Variants in CCSER1 observed in about 807,000 individuals in gnomAD.
CCSER1 encodes coiled-coil serine rich protein 1, also known as serine-rich coiled-coil domain-containing protein 1.
Under a neutral mutation model 82.0 loss-of-function variants are expected in CCSER1, and 41 were observed. That is an observed-to-expected ratio of 0.50 (90% CI 0.39 to 0.65). The LOEUF is 0.65. Ranked by LOEUF, CCSER1 falls within the 30% of genes least tolerant of loss-of-function variation. The probability of loss-of-function intolerance (pLI) is 0.00; values close to 1 mark genes in which losing one functional copy is unlikely to be tolerated. For missense variants in CCSER1, 1,119 were observed against 1,064.2 expected (o/e 1.05, Z -0.72); for synonymous variants, 414 against 383.9 (o/e 1.08, Z -0.92).
chr4:91,511,832 T>G (rs1759841627), intron 10 of CCSER1, among the ~76,000 whole-genome samples: 1 of 152,172 alleles, frequency 6.6e-6, no homozygotes, highest in Non-Finnish European at 1.5e-5. Flanking sequence ...ATTATTTTAT[T>G]ATATATTGCA....
chr4:90,896,840 T>G (rs2150132900), intron 8 of CCSER1, among the ~76,000 whole-genome samples: 1 of 152,012 alleles, frequency 6.6e-6, no homozygotes, highest in South Asian at 2.1e-4. Context: ...AAGGAATAAC[T>G]GAAAGTAAAA....
At chr4:91,570,472 C>G (rs1204441898) in intron 10 of CCSER1, among the ~76,000 whole-genome samples, 2 of 152,222 alleles carry the variant, frequency 1.3e-5, no homozygotes, top group Non-Finnish European at 2.9e-5. Flanking sequence ...TTTTATACAT[C>G]TTTTGAAATC....
At chr4:91,185,196 T>C (rs562556606) in intron 10 of CCSER1, among the ~76,000 whole-genome samples, 1 of 152,324 alleles carries the variant, frequency 6.6e-6, no homozygotes, top group South Asian at 2.1e-4. Flanking sequence ...TTTGCCTTGT[T>C]TATTTGTGCT....
chr4:90,930,377 G>A (rs984572673), intron 9 of CCSER1, among the ~76,000 whole-genome samples: 3 of 151,880 alleles, frequency 2.0e-5, no homozygotes, highest in South Asian at 2.1e-4. Context: ...TGAGGCAGGC[G>A]GATCACGAGG....
At chr4:90,626,842 C>T (rs1471578119) in intron 5 of CCSER1, among the ~76,000 whole-genome samples, 2 of 152,090 alleles carry the variant, frequency 1.3e-5, no homozygotes, top group African/African-American at 2.4e-5. Context: ...TCAATAAGAA[C>T]TATATAAATA....
chr4:91,376,038 A>C (rs1750385736), intron 10 of CCSER1, among the ~76,000 whole-genome samples: 1 of 152,168 alleles, frequency 6.6e-6, no homozygotes, highest in Non-Finnish European at 1.5e-5. Context: ...AACTTTCTAG[A>C]TAAACTTAAC....
Position 91,413,505 on chromosome 4 carries a change from CA to C in CCSER1, c.2218-185058del, listed in dbSNP as rs370234675. On this transcript the variant is annotated intron_variant, in intron 10 of 10. Transcript: ENST00000509176. ...CCAATCAGAACAAGAACAACAACAA[CA>C]AAAAAAAACAAAAAGAATGAAAAAA... Among the ~76,000 whole-genome samples the C allele has an allele frequency of 6.1e-3, 877 of 144,882 alleles. 8 individuals carry two copies. Among genetic ancestry groups the C allele is most frequent in the African/African-American group, 0.02 (803 of 39,356 alleles).
At chr4:91,412,320 T>C (rs1281137004) in intron 10 of CCSER1, among the ~76,000 whole-genome samples, 2 of 151,924 alleles carry the variant, frequency 1.3e-5, no homozygotes, top group African/African-American at 4.8e-5. Context: ...CAGATCCAGC[T>C]GTGAGCCATG....
intron 10 of CCSER1, among the ~76,000 whole-genome samples, chr4:91,311,238 T>G (rs1560582353): frequency 6.6e-6 from 1 of 152,076 alleles, no homozygotes; most frequent in East Asian, 1.9e-4. Context: ...AAGTACCTGC[T>G]AAAAAGCTGT....
At chr4:90,290,903 G>A (rs899565984) in intron 1 of CCSER1, among the ~76,000 whole-genome samples, 1 of 151,914 alleles carries the variant, frequency 6.6e-6, no homozygotes, top group African/African-American at 2.4e-5. Flanking sequence ...TGTAATATCA[G>A]GATATCTTTC....
chr4:90,466,721 G>A (rs577386510), intron 4 of CCSER1, among the ~76,000 whole-genome samples: 9 of 152,174 alleles, frequency 5.9e-5, no homozygotes, highest in Non-Finnish European at 1.2e-4. Flanking sequence ...GTGTTGGTGT[G>A]GATGTGAAAC....
At chr4:91,035,351 G>GA (rs770626638) in intron 9 of CCSER1, among the ~76,000 whole-genome samples, 11 of 151,964 alleles carry the variant, frequency 7.2e-5, no homozygotes, top group Admixed American at 3.3e-4. Context: ...TGAGTCCAGA[G>GA]AAAAAAAATC....
intron 9 of CCSER1, among the ~76,000 whole-genome samples, chr4:91,025,292 T>A (rs925666322): frequency 6.6e-6 from 1 of 152,178 alleles, no homozygotes; most frequent in Non-Finnish European, 1.5e-5. Flanking sequence ...TCTAATCAAT[T>A]CACATACCTC....
intron 7 of CCSER1, among the ~76,000 whole-genome samples, chr4:90,744,708 G>A (rs762130270): frequency 2.6e-5 from 4 of 152,110 alleles, no homozygotes; most frequent in Non-Finnish European, 4.4e-5. Flanking sequence ...TCAGATCAGT[G>A]GAGACATTAG....
At chr4:90,727,739 T>C (rs756233731) in intron 7 of CCSER1, among the ~76,000 whole-genome samples, 2 of 152,224 alleles carry the variant, frequency 1.3e-5, no homozygotes, top group East Asian at 3.8e-4. Flanking sequence ...TGACCCTCCA[T>C]AAAAGTACAA....
intron 5 of CCSER1, among the ~76,000 whole-genome samples, chr4:90,570,443 A>G (rs1212737471): frequency 6.6e-6 from 1 of 152,066 alleles, no homozygotes; most frequent in African/African-American, 2.4e-5. Context: ...ACCCTGCCTA[A>G]GGATGCTCTG....
At chr4:91,375,998 T>C (rs1750382476) in intron 10 of CCSER1, among the ~76,000 whole-genome samples, 1 of 152,266 alleles carries the variant, frequency 6.6e-6, no homozygotes, top group East Asian at 1.9e-4. Flanking sequence ...AAAGATGGAT[T>C]AATGTTTTTA....
At chr4:90,254,982 CACACACACA>C (rs1376293375) in intron 1 of CCSER1, among the ~76,000 whole-genome samples, 8 of 134,430 alleles carry the variant, frequency 6.0e-5, no homozygotes, top group African/African-American at 2.4e-4. Flanking sequence ...TATATCAACA[CACACACACA>C]CACACACACA....
chr4:90,211,730 A>G (rs1740038098), intron 1 of CCSER1, among the ~76,000 whole-genome samples: 1 of 152,242 alleles, frequency 6.6e-6, no homozygotes, highest in Non-Finnish European at 1.5e-5. Context: ...ATTAGTTGTA[A>G]TAATGTAATC....
Sources: gnomAD v4.1 joint callset for allele counts (sites outside exome capture counted in the v4.1 genomes callset) on GRCh38, gnomAD v4.1.1 for gene constraint, MANE v1.5 for transcripts, NCBI Gene and HGNC (gene_info 2026-07-23, HGNC 2026-07-21) for gene names.